Variants in CDH10 observed in about 807,000 individuals in gnomAD.
CDH10 encodes the protein cadherin 10.
In CDH10, 30 loss-of-function variants were observed where a neutral mutation model predicts 73.1. The ratio of observed to expected loss-of-function variants is 0.41; its 90% CI spans 0.31 to 0.56. CDH10 has a LOEUF of 0.56. Ranked by LOEUF, CDH10 falls within the 20% of genes least tolerant of loss-of-function variation. The pLI is 0.27. For missense variants in CDH10, 815 were observed against 973.7 expected, an observed-to-expected ratio of 0.84 and a Z score of 2.17; for synonymous variants, 345 against 348.2, an observed-to-expected ratio of 0.99 and a Z score of 0.10.
rs543179294 is a variant in CDH10 at position 24,563,663 on chromosome 5, CGGAGGCTGAGGCA to C, written c.232-26002_232-25990del. ...CAGGCGCCTGTGGTCCCAGCTACTC[CGGAGGCTGAGGCA>C]GGAGAAAGGCCTGAACCTGGGAGGC... On this transcript the variant is annotated intron_variant, in intron 2 of 11. Transcript: ENST00000264463. 9.9e-3 allele frequency among the ~76,000 whole-genome samples: 1,466 copies of C among 148,610 alleles called. 21 individuals carry two copies. The highest frequency in any genetic ancestry group is 0.035 in the African/African-American group (1,414 of 40,382).
At position 24,574,483 on chromosome 5, in the gene CDH10, G is replaced by A. The variant is rs116447001; in HGVS notation, c.231+18777C>T. ...CAAACCAAATATGACATTCTTGCAA[G>A]TAAAATTCGAATCAAACACAAGTGC... On this transcript the variant is annotated intron_variant, in intron 2 of 11. Transcript: ENST00000264463. Among the ~76,000 whole-genome samples, 330 of 152,148 alleles carry A rather than the reference G, an allele frequency of 2.2e-3. 8 individuals are homozygous for A. Among genetic ancestry groups the A allele is most frequent in the African/African-American group, 7.7e-3 (320 of 41,506 alleles).
chr5:24,548,262 G>C (rs1456756546), intron 2 of CDH10, among the ~76,000 whole-genome samples: 2 of 151,906 alleles, frequency 1.3e-5, no homozygotes, highest in African/African-American at 4.8e-5. Flanking sequence ...TGAGTAGCTG[G>C]GATTACAGGC....
At chr5:24,506,741 A>G (rs1346259629) in intron 7 of CDH10, among the ~76,000 whole-genome samples, 1 of 152,216 alleles carries the variant, frequency 6.6e-6, no homozygotes, top group African/African-American at 2.4e-5. Context: ...AGAAAGAATG[A>G]CCTAATTAAT....
chr5:24,616,588 C>A (rs1012671259), intron 1 of CDH10, among the ~76,000 whole-genome samples: 1 of 151,618 alleles, frequency 6.6e-6, no homozygotes, highest in Non-Finnish European at 1.5e-5. Context: ...CTCATACTTT[C>A]TATATTTAAA....
At chr5:24,608,842 A>G (rs1286484599) in intron 1 of CDH10, among the ~76,000 whole-genome samples, 1 of 152,224 alleles carries the variant, frequency 6.6e-6, no homozygotes, top group African/African-American at 2.4e-5. Context: ...ATATCTTAGC[A>G]ATATAAAATG....
At chr5:24,627,945 C>T (rs1467588537) in intron 1 of CDH10, among the ~76,000 whole-genome samples, 1 of 151,912 alleles carries the variant, frequency 6.6e-6, no homozygotes, top group Non-Finnish European at 1.5e-5. Flanking sequence ...TTGATATTGT[C>T]CAAGTTTTTA....
chr5:24,531,824 T>A (rs2111862148), intron 5 of CDH10, among the ~76,000 whole-genome samples: 1 of 152,190 alleles, frequency 6.6e-6, no homozygotes, highest in Admixed American at 6.6e-5. Context: ...TATTTTTATA[T>A]CAATGAATTT....
intron 1 of CDH10, among the ~76,000 whole-genome samples, chr5:24,597,787 A>T (rs1338155139): frequency 6.6e-6 from 1 of 152,010 alleles, no homozygotes; most frequent in Non-Finnish European, 1.5e-5. Context: ...AATATAATAT[A>T]ATGGGCATTT....
chr5:24,601,529 C>T (rs1170210418), intron 1 of CDH10, among the ~76,000 whole-genome samples: 9 of 152,008 alleles, frequency 5.9e-5, no homozygotes, highest in Non-Finnish European at 1.3e-4. Context: ...GAGTTGGAAG[C>T]GTATGAACTA....
At chr5:24,640,976 T>A (rs1748032601) in intron 1 of CDH10, among the ~76,000 whole-genome samples, 1 of 151,928 alleles carries the variant, frequency 6.6e-6, no homozygotes, top group South Asian at 2.1e-4. Flanking sequence ...TTTAAACAGG[T>A]CAGATTATTT....
chr5:24,561,497 T>C (rs1487740215), intron 2 of CDH10, among the ~76,000 whole-genome samples: 2 of 152,140 alleles, frequency 1.3e-5, no homozygotes, highest in Non-Finnish European at 2.9e-5. Context: ...GGCAATTAGC[T>C]CAAAGTGAGC....
chr5:24,569,053 T>G (rs1197640862), intron 2 of CDH10, among the ~76,000 whole-genome samples: 1 of 151,624 alleles, frequency 6.6e-6, no homozygotes. Flanking sequence ...GAGCTTGCAT[T>G]GAGCCGAGAT....
Position 24,487,460 on chromosome 5 carries a change from A to T in CDH10, c.*203T>A. ...TATTTCCATAGCTTTGGCTCTTGGA[A>T]GTGATTAAATAAAATGTCATATATA... On this transcript the variant is annotated 3_prime_UTR_variant, in exon 12 of 12. Transcript: ENST00000264463. The T allele has an allele frequency of 1.9e-6, 1 of 522,690 alleles. No homozygotes were observed. The highest frequency in any genetic ancestry group is 2.7e-5 in the South Asian group (1 of 36,854). The allele number at this position is 522,690 out of a possible 1,614,324, so 32.4% of individuals were successfully genotyped here. A position where few individuals can be genotyped will look rare whatever the true frequency, so the allele number is the denominator to read the frequency against.
At chr5:24,560,382 T>TA (rs1561163530) in intron 2 of CDH10, among the ~76,000 whole-genome samples, 1 of 152,086 alleles carries the variant, frequency 6.6e-6, no homozygotes, top group Non-Finnish European at 1.5e-5. Flanking sequence ...AATTACAACT[T>TA]ACACTGACTT....
At chr5:24,588,678 A>G (rs1746098351) in intron 2 of CDH10, among the ~76,000 whole-genome samples, 1 of 152,172 alleles carries the variant, frequency 6.6e-6, no homozygotes, top group African/African-American at 2.4e-5. Flanking sequence ...ACACAGTCTA[A>G]CCTGGTGGAC....
intron 2 of CDH10, among the ~76,000 whole-genome samples, chr5:24,552,957 T>C (rs1744602116): frequency 6.6e-6 from 1 of 151,378 alleles, no homozygotes; most frequent in Non-Finnish European, 1.5e-5. Context: ...TCCTGTAATA[T>C]TTCTTCACCA....
intron 5 of CDH10, among the ~76,000 whole-genome samples, chr5:24,533,737 T>C (rs1313546901): frequency 6.6e-6 from 1 of 152,064 alleles, no homozygotes; most frequent in African/African-American, 2.4e-5. Context: ...ACCTTTAAAC[T>C]TGTTCTAAGA....
At chr5:24,557,509 C>T (rs1308625665) in intron 2 of CDH10, among the ~76,000 whole-genome samples, 1 of 151,596 alleles carries the variant, frequency 6.6e-6, no homozygotes, top group Non-Finnish European at 1.5e-5. Context: ...GATCCTCAGC[C>T]CCCTTCACAT....
intron 11 of CDH10, among the ~76,000 whole-genome samples, chr5:24,489,966 G>T (rs1335787718): frequency 1.3e-5 from 2 of 151,980 alleles, no homozygotes; most frequent in African/African-American, 2.4e-5. Context: ...CTTGGAATAT[G>T]TTCTGAATAT....
Sources: gnomAD v4.1 joint callset for allele counts (sites outside exome capture counted in the v4.1 genomes callset) on GRCh38, gnomAD v4.1.1 for gene constraint, MANE v1.5 for transcripts, NCBI Gene and HGNC (gene_info 2026-07-23, HGNC 2026-07-21) for gene names.